ITPR2: variants seen among roughly 807,000 people sequenced by gnomAD.
ITPR2 encodes inositol 1,4,5-trisphosphate-gated calcium channel ITPR2.
In ITPR2, 207 loss-of-function variants were observed where a neutral mutation model predicts 317.1. The ratio of observed to expected loss-of-function variants is 0.65; its 90% CI spans 0.58 to 0.73. The LOEUF is 0.73. Ranked by LOEUF, ITPR2 falls within the 30% of genes least tolerant of loss-of-function variation. ITPR2 has a pLI of 0.00. For synonymous variants in ITPR2, 1,156 were observed against 1,149.1 expected (o/e 1.01, Z -0.12); for missense variants, 2,613 against 3,284.0 (o/e 0.80, Z 4.99).
intron 55 of ITPR2, among the ~76,000 whole-genome samples, chr12:26,352,105 G>T (rs1364474286): frequency 1.3e-5 from 2 of 152,128 alleles, no homozygotes; most frequent in African/African-American, 4.8e-5. Flanking sequence ...TGGAAGGTTG[G>T]GTCCAGTCTT....
chr12:26,474,590 G>A (rs1009089588), intron 45 of ITPR2, among the ~76,000 whole-genome samples: 1 of 151,742 alleles, frequency 6.6e-6, no homozygotes, highest in Non-Finnish European at 1.5e-5. Context: ...TCAGGAGATC[G>A]AGACCATCCC....
At chr12:26,755,443 G>C (rs1240413470) in intron 2 of ITPR2, among the ~76,000 whole-genome samples, 2 of 152,206 alleles carry the variant, frequency 1.3e-5, no homozygotes, top group African/African-American at 4.8e-5. Context: ...TGAACCAATA[G>C]AAGTCTAAAG....
At chr12:26,504,634 T>G (rs1422774540) in intron 37 of ITPR2, among the ~76,000 whole-genome samples, 1 of 152,222 alleles carries the variant, frequency 6.6e-6, no homozygotes, top group Non-Finnish European at 1.5e-5. Flanking sequence ...CAAGAGAATG[T>G]GGGATGCAAA....
At chr12:26,725,976 T>G in intron 2 of ITPR2, 1 of 425,036 alleles carries the variant, frequency 2.4e-6, no homozygotes, top group South Asian at 4.3e-5. Flanking sequence ...ACTTCTTCAT[T>G]AATTTAAGTT....
Position 26,599,234 on chromosome 12 carries a change from G to A in ITPR2, c.3913C>T (p.Arg1305Cys), listed in dbSNP as rs781094405. 11 of 1,613,822 alleles carry A rather than the reference G, an allele frequency of 6.8e-6. No individual in the cohort carries two copies. The highest frequency in any genetic ancestry group is 5.0e-5 in the Admixed American group (3 of 59,974). The change falls in exon 30 of 57, where the codon CGC becomes TGC. Residue 1305 changes from arginine to cysteine, a missense_variant. This residue lies in a region of ITPR2 where 817 missense variants were observed against 897.6 expected (regional missense o/e 0.91). Transcript: ENST00000381340. Reference sequence around the variant, plus strand: ...AAAAACCTCAGGTACTCCACGTGGCGGCCATGTGTCTCAATGCAGTGCACA... The same window carrying A: ...AAAAACCTCAGGTACTCCACGTGGCAGCCATGTGTCTCAATGCAGTGCACA... ...HFVHCIETHG[R>C]HVEYLRFLQT...
intron 4 of ITPR2, among the ~76,000 whole-genome samples, chr12:26,723,042 T>C (rs1193659053): frequency 6.6e-6 from 1 of 152,110 alleles, no homozygotes; most frequent in Non-Finnish European, 1.5e-5. Flanking sequence ...TCATCCTAAA[T>C]AGGCTTCTAC....
chr12:26,649,052 ATTAT>A (rs1947179678), intron 21 of ITPR2: 3 of 152,340 alleles, frequency 2.0e-5, no homozygotes, highest in East Asian at 3.9e-4. Flanking sequence ...TACCAGATTA[ATTAT>A]TTAAGTTCTT....
chr12:26,403,309 C>T (rs148932548), intron 52 of ITPR2, among the ~76,000 whole-genome samples: 1 of 152,256 alleles, frequency 6.6e-6, no homozygotes, highest in African/African-American at 2.4e-5. Flanking sequence ...CATAAGGAGA[C>T]TCACACATCA....
chr12:26,415,337 T>C lies in ITPR2; in HGVS notation c.7272A>G (p.Glu2424=), dbSNP rs760966738. The change falls in exon 51 of 57, where the codon GAA becomes GAG. Residue 2424 remains glutamate, a synonymous_variant. Coordinates refer to ENST00000381340, the MANE Select transcript of ITPR2 (RefSeq NM_002223.4). ...FLFLKDDFTM[E]VDRLKNRTPV... ...GAGTTCGGTTTTTCAGCCTATCAAC[T>C]TCCATAGTGAAGTCATCCTTCAAAA... is the stretch of plus-strand genomic sequence containing the variant. 6.2e-7 allele frequency: 1 copy of C among 1,610,094 alleles called. No individual in the cohort carries two copies.
intron 49 of ITPR2, 103 bp from the exon 50 acceptor site, chr12:26,419,316 C>T (rs1433005203): frequency 1.1e-6 from 1 of 927,886 alleles, no homozygotes; most frequent in African/African-American, 1.7e-5. Flanking sequence ...ATGGATGAAA[C>T]AATTATTCAT....
chr12:26,340,159 G>C lies in ITPR2; in HGVS notation c.8019+8C>G, dbSNP rs754209526. ...CCCACCCAGCCCCATCTCCCTGAAT[G>C]CACCCACCTGCTCCTTGAGCTCCGC... On this transcript the variant is annotated splice_region_variant and intron_variant, in intron 56 of 56. Coordinates refer to ENST00000381340, the MANE Select transcript of ITPR2 (RefSeq NM_002223.4). 25 of 1,593,550 alleles carry C rather than the reference G, an allele frequency of 1.6e-5. No individual in the cohort carries two copies. Among genetic ancestry groups the C allele is most frequent in the Non-Finnish European group, 1.9e-5 (22 of 1,169,818 alleles).
chr12:26,686,599 G>GT lies in ITPR2; in HGVS notation c.1029dup (p.Arg344ThrfsTer19). ...TACATGATCTTCTCCCCTGCCTGGC[G>GT]TTTTTTCTTTGAAGTTGGAGGGACT... On this transcript the variant is annotated frameshift_variant, in exon 11 of 57. Coordinates refer to ENST00000381340, the MANE Select transcript of ITPR2 (RefSeq NM_002223.4). LOFTEE classifies it high-confidence loss of function. The GT allele has an allele frequency of 6.2e-7, 1 of 1,610,542 alleles. No homozygotes were observed. The highest frequency in any genetic ancestry group is 1.1e-5 in the South Asian group (1 of 90,586).
rs969447582 is a variant in ITPR2, at chr12:26,783,589, G to A, written c.163+6568C>T. Among the ~76,000 whole-genome samples, 6 of 152,076 alleles carry A rather than the reference G, an allele frequency of 3.9e-5. No homozygotes were observed. The East Asian group carries it at 1.2e-3, about 29-fold the overall frequency. On this transcript the variant is annotated intron_variant, in intron 2 of 56. Coordinates refer to ENST00000381340, the MANE Select transcript of ITPR2 (RefSeq NM_002223.4). ...GAGTTTTCTAGAGAAGGGGGAGAAG[G>A]GTGGAAAGGAACAGGAAAAAGCAAA...
chr12:26,540,725 A>G (rs147608339), intron 37 of ITPR2, among the ~76,000 whole-genome samples: 14 of 152,324 alleles, frequency 9.2e-5, no homozygotes, highest in African/African-American at 3.4e-4. Flanking sequence ...ATTTTTTTGT[A>G]ATAATGAGGT....
At chr12:26,568,006 TTATA>T (rs71069253) in intron 34 of ITPR2, among the ~76,000 whole-genome samples, 14 of 7,512 alleles carry the variant, frequency 1.9e-3, no homozygotes, top group African/African-American at 3.9e-3. Context: ...ATTATATATA[TTATA>T]TATATATATA....
chr12:26,591,043 G>A (rs1009971451), intron 32 of ITPR2, among the ~76,000 whole-genome samples: 19 of 125,220 alleles, frequency 1.5e-4, no homozygotes, highest in East Asian at 2.4e-4. Context: ...TAGCACCACC[G>A]CACTCCAGCC....
intron 37 of ITPR2, among the ~76,000 whole-genome samples, chr12:26,542,539 T>C (rs1049548044): frequency 9.2e-5 from 14 of 152,208 alleles, no homozygotes; most frequent in African/African-American, 3.4e-4. Context: ...AGGTAACATA[T>C]ATAAGTGATT....
At chr12:26,437,410 A>G (rs922607423) in intron 47 of ITPR2, among the ~76,000 whole-genome samples, 2 of 152,354 alleles carry the variant, frequency 1.3e-5, no homozygotes, top group East Asian at 1.9e-4. Context: ...GAACATTCCA[A>G]TGCCGAAATA....
In ITPR2 at chr12:26,663,702, C is replaced by A. The variant is rs1166305875; in HGVS notation, c.1696G>T (p.Asp566Tyr). 1 of 1,610,342 alleles carries A rather than the reference C, an allele frequency of 6.2e-7. No homozygotes were observed. Among genetic ancestry groups the A allele is most frequent in the Non-Finnish European group, 8.5e-7 (1 of 1,178,998 alleles). Residue 566 changes from aspartate (D) to tyrosine (Y), a missense_variant, in exon 15 of 57, where the codon GAT (aspartate) becomes TAT (tyrosine). This residue lies in a region of ITPR2 where 515 missense variants were observed against 789.4 expected (regional missense o/e 0.65). Transcript: ENST00000381340. ...CYRVLRHSQQDYRKNQEYIAK... is the reference protein window; with the variant it reads ...CYRVLRHSQQYYRKNQEYIAK... The stretch of plus-strand genomic sequence containing the variant: ...CCTCTGACCTGATTTTTCCGGTAAT[C>A]CTGCTGCGAGTGTCTCAGGACGCGG...
Sources: gnomAD v4.1 joint callset for allele counts (sites outside exome capture counted in the v4.1 genomes callset) on GRCh38, gnomAD v4.1.1 for gene constraint, gnomAD v4.1.1 regional missense constraint, MANE v1.5 for transcripts, NCBI Gene and HGNC (gene_info 2026-07-23, HGNC 2026-07-21) for gene names.